PPP4R3B: variants seen among roughly 807,000 people sequenced by gnomAD.
PPP4R3B encodes protein phosphatase 4 regulatory subunit 3B.
PPP4R3B carries 52 observed loss-of-function variants against 95.4 expected under a neutral mutation model. The observed-to-expected ratio is 0.54, with a 90% confidence interval of 0.44 to 0.69. The LOEUF (loss-of-function observed/expected upper bound fraction) is 0.69. PPP4R3B is among the 30% of genes least tolerant of loss of function. The probability of loss-of-function intolerance (pLI) is 0.00; values close to 1 mark genes in which losing one functional copy is unlikely to be tolerated. For synonymous variants in PPP4R3B, 407 were observed against 343.9 expected, an observed-to-expected ratio of 1.18 and a Z score of -2.03; for missense variants, 1,003 against 1,005.9, an observed-to-expected ratio of 1.00 and a Z score of 0.04.
At position 55,558,540 on chromosome 2, in the gene PPP4R3B, G is replaced by T. The variant is rs560750336; in HGVS notation, c.2454+235C>A. On this transcript the variant is annotated intron_variant, in intron 16 of 16. Coordinates refer to ENST00000616407, the MANE Select transcript of PPP4R3B (RefSeq NM_001122964.3). ...GGAGAACTGCTTGAACCCGGGAGGC[G>T]GAGGTTGCAGTGAGCTGAGATCACT... 2.0e-5 allele frequency among the ~76,000 whole-genome samples: 3 copies of T among 152,034 alleles called. No individual in the cohort carries two copies. In the East Asian group the frequency reaches 5.8e-4, roughly 29 times the overall value.
intron 4 of PPP4R3B, among the ~76,000 whole-genome samples, chr2:55,594,713 A>G (rs1435725326): frequency 6.6e-6 from 1 of 152,192 alleles, no homozygotes; most frequent in African/African-American, 2.4e-5. Context: ...ATCTCCTAAG[A>G]TTATTAAATG....
intron 3 of PPP4R3B, among the ~76,000 whole-genome samples, chr2:55,601,249 T>C (rs1057352925): frequency 4.0e-5 from 6 of 151,268 alleles, no homozygotes; most frequent in Non-Finnish European, 7.4e-5. Context: ...GGTTAAGCAA[T>C]AGGTTTGCCA....
chr2:55,557,468 T>C (rs1392936195), intron 16 of PPP4R3B, among the ~76,000 whole-genome samples: 1 of 152,196 alleles, frequency 6.6e-6, no homozygotes, highest in African/African-American at 2.4e-5. Context: ...GCTAGGATAC[T>C]GTGCCCAGCC....
intron 15 of PPP4R3B, 39 bp from the exon 16 acceptor site, chr2:55,559,007 T>A: frequency 2.0e-6 from 3 of 1,494,406 alleles, no homozygotes; most frequent in Non-Finnish European, 1.8e-6. Flanking sequence ...TATCAATAAA[T>A]ACTGCTAAGT....
intron 5 of PPP4R3B, among the ~76,000 whole-genome samples, chr2:55,588,290 G>GA (rs1360967106): frequency 2.6e-5 from 4 of 152,120 alleles, no homozygotes; most frequent in Non-Finnish European, 5.9e-5. Flanking sequence ...AAGGCGGGGG[G>GA]ATCACCTCAG....
chr2:55,590,117 CGGAA>C (rs1690798169), intron 4 of PPP4R3B, among the ~76,000 whole-genome samples: 1 of 150,456 alleles, frequency 6.6e-6, no homozygotes, highest in East Asian at 2.0e-4. Context: ...CACCTGAGGT[CGGAA>C]GTTCCAGACC....
chr2:55,586,540 T>C, intron 6 of PPP4R3B, 78 bp downstream of exon 6: 2 of 765,134 alleles, frequency 2.6e-6, no homozygotes, highest in Non-Finnish European at 4.4e-6. Context: ...TATACATTAT[T>C]ATATATTTTC....
At chr2:55,565,246 C>T (rs994587012) in intron 13 of PPP4R3B, among the ~76,000 whole-genome samples, 1 of 151,076 alleles carries the variant, frequency 6.6e-6, no homozygotes, top group Non-Finnish European at 1.5e-5. Context: ...TACTGGAGTC[C>T]TTTTATAGGA....
chr2:55,615,879 A>AAAG (rs1694846200), intron 1 of PPP4R3B, among the ~76,000 whole-genome samples: 1 of 146,836 alleles, frequency 6.8e-6, no homozygotes, highest in African/African-American at 2.6e-5. Flanking sequence ...AAAAAAAAAA[A>AAAG]AAATACACAT....
chr2:55,558,205 G>A (rs377339128), intron 16 of PPP4R3B, among the ~76,000 whole-genome samples: 36 of 152,252 alleles, frequency 2.4e-4, no homozygotes, highest in African/African-American at 8.2e-4. Flanking sequence ...GTGTGAAGAC[G>A]TTCTACTACT....
intron 5 of PPP4R3B, among the ~76,000 whole-genome samples, chr2:55,587,575 C>T (rs1472064009): frequency 6.6e-6 from 1 of 152,300 alleles, no homozygotes. Flanking sequence ...CAGAGCAAGA[C>T]TCTTTTTCGA....
Position 55,573,065 on chromosome 2 carries a change from C to T in PPP4R3B, c.1765+554G>A, listed in dbSNP as rs947809694. ...AAAAAGAAATAATGCAGACAGTTAA[C>T]ACTGGCTATTTTAAGTCCATAAAAA... On this transcript the variant is annotated intron_variant, in intron 12 of 16. Coordinates refer to ENST00000616407, the MANE Select transcript of PPP4R3B (RefSeq NM_001122964.3). 3.4e-4 allele frequency among the ~76,000 whole-genome samples: 51 copies of T among 152,220 alleles called. 1 individual carries two copies. Among genetic ancestry groups the T allele is most frequent in the African/African-American group, 1.1e-3 (46 of 41,530 alleles).
At chr2:55,550,107 T>C (rs1280142942) in intron 16 of PPP4R3B, 101 bp from the exon 17 acceptor site, 2 of 767,716 alleles carry the variant, frequency 2.6e-6, no homozygotes, top group Non-Finnish European at 4.2e-6. Flanking sequence ...ATCGTTTTTC[T>C]AAATCATATC....
chr2:55,573,681 T>C lies in PPP4R3B; in HGVS notation c.1703A>G (p.Asn568Ser). ...HTYHIKNYIMNKDLLRRVLVL... is the reference protein window; with the variant it reads ...HTYHIKNYIMSKDLLRRVLVL... ...CAAGACTCTTCTTAGCAAGTCCTTG[T>C]TCATAATATAGTTTTTTATGTGATA... Residue 568 changes from asparagine (N) to serine (S), a missense_variant, in exon 12 of 17, where the codon AAC (asparagine) becomes AGC (serine). Around this residue, in one of 3 missense-constraint regions of PPP4R3B, gnomAD observed 695 missense variants for 686.2 expected, o/e 1.01. Coordinates refer to ENST00000616407, the MANE Select transcript of PPP4R3B (RefSeq NM_001122964.3). The C allele has an allele frequency of 6.5e-7, 1 of 1,545,850 alleles. No individual in the cohort carries two copies. Among genetic ancestry groups the C allele is most frequent in the Non-Finnish European group, 8.7e-7 (1 of 1,145,346 alleles).
chr2:55,600,138 T>C (rs530829117), intron 3 of PPP4R3B, among the ~76,000 whole-genome samples: 2 of 152,268 alleles, frequency 1.3e-5, no homozygotes, highest in South Asian at 4.1e-4. Flanking sequence ...TTGTTCTATT[T>C]TCTCATTATA....
chr2:55,594,302 T>TAAAA (rs35730010), intron 4 of PPP4R3B, among the ~76,000 whole-genome samples: 5 of 123,542 alleles, frequency 4.0e-5, no homozygotes, highest in African/African-American at 6.2e-5. Context: ...GAATCTAAAA[T>TAAAA]AAAAAAAAAA....
intron 5 of PPP4R3B, among the ~76,000 whole-genome samples, chr2:55,588,209 T>C (rs1690425882): frequency 6.6e-6 from 1 of 152,250 alleles, no homozygotes. Flanking sequence ...TCCTTATCTC[T>C]TGTTTAAAAA....
intron 10 of PPP4R3B, among the ~76,000 whole-genome samples, chr2:55,577,558 A>C (rs1249975523): frequency 6.6e-6 from 1 of 152,144 alleles, no homozygotes; most frequent in Non-Finnish European, 1.5e-5. Context: ...TGGAATTATT[A>C]AAAGACAACA....
chr2:55,606,371 T>C (rs1455622363), intron 2 of PPP4R3B, among the ~76,000 whole-genome samples: 1 of 152,120 alleles, frequency 6.6e-6, no homozygotes, highest in East Asian at 1.9e-4. Flanking sequence ...AACATAACAG[T>C]GGATATAAAT....
Sources: allele counts gnomAD v4.1 joint callset (sites outside exome capture counted in the v4.1 genomes callset), GRCh38; gene constraint gnomAD v4.1.1; regional missense constraint gnomAD v4.1.1; transcripts MANE v1.5; gene names NCBI Gene and HGNC (gene_info 2026-07-23, HGNC 2026-07-21).